Variants in EML6 observed in about 807,000 individuals in gnomAD.
EML6 encodes echinoderm microtubule-associated protein-like 6.
A neutral mutation model predicts 240.1 loss-of-function variants in EML6; 154 were observed. That is an observed-to-expected ratio of 0.64 (90% CI 0.56 to 0.73). EML6 has a LOEUF of 0.73. EML6 is among the 30% of genes least tolerant of loss of function. The pLI, the probability that EML6 is intolerant of heterozygous loss-of-function variation, is 0.00. For missense variants in EML6, 2,964 were observed against 2,474.6 expected, an observed-to-expected ratio of 1.20 and a Z score of -4.20; for synonymous variants, 1,148 against 899.0, an observed-to-expected ratio of 1.28 and a Z score of -4.95.
chr2:54,745,979 T>C (rs1234378562), intron 2 of EML6, among the ~76,000 whole-genome samples: 1 of 152,144 alleles, frequency 6.6e-6, no homozygotes, highest in Non-Finnish European at 1.5e-5. Flanking sequence ...AGACTCTGCA[T>C]GTGTTTTGCT....
chr2:54,854,566 A>G (rs1359001627), intron 11 of EML6, among the ~76,000 whole-genome samples: 1 of 152,250 alleles, frequency 6.6e-6, no homozygotes, highest in African/African-American at 2.4e-5. Context: ...GATCTTAGAA[A>G]AGTAATCAAC....
chr2:54,931,833 CCT>C (rs1457405123), intron 28 of EML6, among the ~76,000 whole-genome samples: 3 of 152,178 alleles, frequency 2.0e-5, no homozygotes, highest in Non-Finnish European at 4.4e-5. Context: ...TGGTAAATCC[CCT>C]GTCACCTAAA....
chr2:54,774,168 G>A lies in EML6; in HGVS notation c.198-39064G>A, dbSNP rs1442038891. ...AAGCTAGGAAATGTCTTTATTCTTG[G>A]CATTTATTTCTGTAAAAGAAGAGGA... On this transcript the variant is annotated intron_variant, in intron 2 of 41. Coordinates refer to ENST00000356458, the MANE Select transcript of EML6 (RefSeq NM_001039753.4). This position sits in a 1 kb window ranked among gnomAD's most constrained non-coding sequence, Gnocchi z 4.1. Among the ~76,000 whole-genome samples, 2 of 152,148 alleles carry A rather than the reference G, an allele frequency of 1.3e-5. No individual in the cohort carries two copies. Among genetic ancestry groups the A allele is most frequent in the African/African-American group, 4.8e-5 (2 of 41,432 alleles).
intron 16 of EML6, 70 bp downstream of exon 16, chr2:54,871,675 G>A (rs940339753): frequency 2.4e-5 from 26 of 1,077,206 alleles, no homozygotes; most frequent in African/African-American, 3.1e-5. Flanking sequence ...AGTATGCCCC[G>A]CGCATGCGCG....
Position 54,964,688 on chromosome 2 carries a change from C to G in EML6, c.5448C>G (p.Ser1816Arg), listed in dbSNP as rs986802378. 2.6e-6 allele frequency: 4 copies of G among 1,552,086 alleles called. No individual in the cohort carries two copies. Among genetic ancestry groups the G allele is most frequent in the African/African-American group, 2.7e-5 (2 of 73,076 alleles). ...TTGGCTACTGCAAAGATATCCCAAGCTTTGTCATTCAGATGGATTTTTCTG... is the reference window on the plus strand; with the variant it reads ...TTGGCTACTGCAAAGATATCCCAAGGTTTGTCATTCAGATGGATTTTTCTG... ...NRIGYCKDIP[S>R]FVIQMDFSAD... The change falls in exon 38 of 42, where the codon AGC becomes AGG. Residue 1816 changes from serine to arginine, a missense_variant. By Grantham distance (110) the Ser-to-Arg change is moderately radical. Coordinates refer to ENST00000356458, the MANE Select transcript of EML6 (RefSeq NM_001039753.4).
intron 2 of EML6, among the ~76,000 whole-genome samples, chr2:54,739,140 T>C (rs1683525363): frequency 6.6e-6 from 1 of 152,244 alleles, no homozygotes; most frequent in South Asian, 2.1e-4. Flanking sequence ...TAGGAAATTC[T>C]TTTGAAATAT....
intron 2 of EML6, among the ~76,000 whole-genome samples, chr2:54,789,713 T>C (rs909180645): frequency 6.6e-6 from 1 of 152,080 alleles, no homozygotes; most frequent in Non-Finnish European, 1.5e-5. Flanking sequence ...CCTCATGATA[T>C]CCAGAAGGGA....
At chr2:54,789,736 A>T (rs1669324885) in intron 2 of EML6, among the ~76,000 whole-genome samples, 1 of 152,130 alleles carries the variant, frequency 6.6e-6, no homozygotes, top group Non-Finnish European at 1.5e-5. Flanking sequence ...TAATATTCTC[A>T]TCTTGCAGAT....
intron 35 of EML6, among the ~76,000 whole-genome samples, chr2:54,961,597 G>C (rs996787262): frequency 3.9e-5 from 6 of 152,096 alleles, no homozygotes; most frequent in Non-Finnish European, 7.3e-5. Context: ...TTCTGGCAGA[G>C]GCTGGGTGAT....
chr2:54,729,295 C>G (rs968030963), intron 2 of EML6, among the ~76,000 whole-genome samples: 3 of 152,234 alleles, frequency 2.0e-5, no homozygotes, highest in Non-Finnish European at 4.4e-5. Flanking sequence ...GAAGGGGCAC[C>G]TTGCACTTCC....
chr2:54,811,076 T>C (rs1056640463), intron 2 of EML6, among the ~76,000 whole-genome samples: 1 of 152,058 alleles, frequency 6.6e-6, no homozygotes, highest in Non-Finnish European at 1.5e-5. Context: ...TCACCCCCAG[T>C]AGCTCTTGAC....
chr2:54,952,419 C>T (rs1438900104), intron 30 of EML6, among the ~76,000 whole-genome samples, 175 bp from the exon 31 acceptor site: 2 of 151,946 alleles, frequency 1.3e-5, no homozygotes, highest in Non-Finnish European at 2.9e-5. Flanking sequence ...AGAATATGAA[C>T]ATTCCAAAAA....
At chr2:54,832,763 C>G (rs1389717039) in intron 7 of EML6, among the ~76,000 whole-genome samples, 1 of 149,786 alleles carries the variant, frequency 6.7e-6, no homozygotes, top group Admixed American at 6.6e-5. Context: ...AACCCCTCAT[C>G]CCTTCCCTCA....
chr2:54,916,182 G>A (rs1371277248), intron 25 of EML6, among the ~76,000 whole-genome samples: 34 of 152,218 alleles, frequency 2.2e-4, no homozygotes, highest in Non-Finnish European at 1.5e-5. Context: ...AAGCAGTCAT[G>A]TTTTTTAAAG....
chr2:54,753,996 G>A (rs1459315763), intron 2 of EML6, among the ~76,000 whole-genome samples: 1 of 151,906 alleles, frequency 6.6e-6, no homozygotes, highest in African/African-American at 2.4e-5. Context: ...TTAGCCGGGT[G>A]TGGCAGCCTG....
chr2:54,802,443 T>G (rs1670203445), intron 2 of EML6, among the ~76,000 whole-genome samples: 1 of 151,720 alleles, frequency 6.6e-6, no homozygotes, highest in African/African-American at 2.4e-5. Context: ...CTGGTCAACA[T>G]GGTCAAACCC....
At chr2:54,802,041 A>G (rs561304236) in intron 2 of EML6, among the ~76,000 whole-genome samples, 18 of 152,274 alleles carry the variant, frequency 1.2e-4, no homozygotes, top group African/African-American at 2.2e-4. Flanking sequence ...GAAGCTATAC[A>G]TGTCAACTTA....
intron 17 of EML6, among the ~76,000 whole-genome samples, chr2:54,884,435 C>G (rs1672011522): frequency 6.6e-6 from 1 of 152,148 alleles, no homozygotes; most frequent in Admixed American, 6.5e-5. Flanking sequence ...GGGTGAGCAA[C>G]TTATCTTTTG....
intron 41 of EML6, among the ~76,000 whole-genome samples, chr2:54,969,846 A>C (rs528565501): frequency 6.6e-6 from 1 of 152,216 alleles, no homozygotes; most frequent in Non-Finnish European, 1.5e-5. Context: ...CAGACATTCA[A>C]ACTGCTGAAA....
Sources: gnomAD v4.1 joint callset for allele counts (sites outside exome capture counted in the v4.1 genomes callset) on GRCh38, gnomAD v4.1.1 for gene constraint, Gnocchi (gnomAD v3.1) non-coding constraint, MANE v1.5 for transcripts, NCBI Gene and HGNC (gene_info 2026-07-23, HGNC 2026-07-21) for gene names.